The following PRKAR1A variants were observed in gnomAD, a reference collection of about 807,000 sequenced individuals.
The protein encoded by PRKAR1A is protein kinase cAMP-dependent type I regulatory subunit alpha.
In PRKAR1A, 3 loss-of-function variants were observed where a neutral mutation model predicts 52.0. That is an observed-to-expected ratio of 0.06 (90% CI 0.03 to 0.15). The LOEUF (loss-of-function observed/expected upper bound fraction) is 0.15. Among genes scored for constraint, PRKAR1A ranks in the 10% least tolerant of loss-of-function variants. The probability of loss-of-function intolerance (pLI) is 1.00; values close to 1 mark genes in which losing one functional copy is unlikely to be tolerated. For synonymous variants in PRKAR1A, 188 were observed against 168.4 expected (o/e 1.12, Z -0.90); for missense variants, 240 against 477.4 (o/e 0.50, Z 4.63).
chr17:68,550,938 A>G (rs778433884), intron 11 of PRKAR1A: 36 of 573,582 alleles, frequency 6.3e-5, no homozygotes, highest in Non-Finnish European at 9.0e-5. Flanking sequence ...AGAACCATCT[A>G]CTGGGGCTCT....
In PRKAR1A at chr17:68,522,843, C is replaced by G. The variant is rs1459684511; in HGVS notation, c.265C>G (p.Pro89Ala). Residue 89 changes from proline (P) to alanine (A), a missense_variant, in exon 3 of 11, where the codon CCA (proline) becomes GCA (alanine). Around this residue, in one of 4 missense-constraint regions of PRKAR1A, gnomAD observed 107 missense variants for 114.6 expected, o/e 0.93. Coordinates refer to ENST00000589228, the MANE Select transcript of PRKAR1A (RefSeq NM_002734.5). ...EDEISPPPPN[P>A]VVKGRRRRGA... ...TGAGATTTCTCCTCCTCCACCCAAC[C>G]CAGTGGTTAAAGGTAGGAGGCGACG... is the stretch of plus-strand genomic sequence containing the variant. The G allele has an allele frequency of 6.2e-7, 1 of 1,614,002 alleles. No homozygotes were observed. The highest frequency in any genetic ancestry group is 8.5e-7 in the Non-Finnish European group (1 of 1,179,918).
At position 68,532,591 on chromosome 17, in the gene PRKAR1A, G is replaced by A; in HGVS notation, c.*2142G>A. ...TTTAAAAGTCATTATTCCTGGGCTT[G>A]GTAAGTGAATTTATGAGATTTACTG... On this transcript the variant is annotated 3_prime_UTR_variant, in exon 11 of 11. Transcript: ENST00000589228. 1.9e-6 allele frequency: 2 copies of A among 1,066,170 alleles called. No homozygotes were observed. Among genetic ancestry groups the A allele is most frequent in the Non-Finnish European group, 1.1e-6 (1 of 879,616 alleles). 66.0% of individuals were successfully genotyped at this position (1,066,170 alleles called of 1,614,324 possible).
At chr17:68,510,606 C>T (rs1490348641), upstream of PRKAR1A, among the ~76,000 whole-genome samples, 1 of 152,148 alleles carries the variant, frequency 6.6e-6, no homozygotes, top group Non-Finnish European at 1.5e-5. Context: ...TATCAAATTC[C>T]CTCTGCTGCT....
the PRKAR1A span, chr17:68,433,638 C>CAA: frequency 5.2e-6 from 7 of 1,343,932 alleles, no homozygotes; most frequent in Non-Finnish European, 7.4e-6. Flanking sequence ...CCTTATAACT[C>CAA]AGAGATCAGC....
At chr17:68,457,428 C>T in the PRKAR1A span, 3 of 1,471,564 alleles carry the variant, frequency 2.0e-6, no homozygotes, top group South Asian at 1.3e-5. Flanking sequence ...CCATCGGGGG[C>T]TCGGCCCGGG....
At chr17:68,513,025 C>T (rs2085313894) in intron 1 of PRKAR1A, 1 of 152,236 alleles carries the variant, frequency 6.6e-6, no homozygotes, top group African/African-American at 2.4e-5. Flanking sequence ...CTAGCAGTAG[C>T]CTTTCCTCTT....
At chr17:68,529,840 A>C in intron 9 of PRKAR1A, 80 bp from the exon 10 acceptor site, 1 of 1,334,820 alleles carries the variant, frequency 7.5e-7, no homozygotes, top group Non-Finnish European at 1.1e-6. Flanking sequence ...CAAGGTAGTT[A>C]AAATTGCATA....
At chr17:68,457,950 C>T in the PRKAR1A span, among the ~76,000 whole-genome samples, 1 of 152,164 alleles carries the variant, frequency 6.6e-6, no homozygotes, top group African/African-American at 2.4e-5. Context: ...GCAACTGCGT[C>T]GGGGCCGCCG....
chr17:68,437,299 G>T, the PRKAR1A span, among the ~76,000 whole-genome samples: 9 of 152,126 alleles, frequency 5.9e-5, no homozygotes, highest in South Asian at 1.7e-3. Flanking sequence ...CCACACCTGT[G>T]ATCCCAGCAC....
the PRKAR1A span, chr17:68,453,018 A>G: frequency 6.3e-7 from 1 of 1,580,684 alleles, no homozygotes; most frequent in East Asian, 2.2e-5. Flanking sequence ...ACAGCATGGG[A>G]ATAACGACAG....
the PRKAR1A span, chr17:68,426,307 T>C: frequency 3.0e-4 from 216 of 721,296 alleles, 1 homozygote; most frequent in Non-Finnish European, 4.7e-4. Flanking sequence ...CCCCTGGAGG[T>C]ACTGTGCCTA....
chr17:68,530,185 T>C (rs2085932431), intron 10 of PRKAR1A, 92 bp from the exon 11 acceptor site: 1 of 1,534,410 alleles, frequency 6.5e-7, no homozygotes, highest in Non-Finnish European at 9.0e-7. Flanking sequence ...ACTGATTGTC[T>C]CATATCTATT....
the PRKAR1A span, among the ~76,000 whole-genome samples, chr17:68,448,592 C>T: frequency 6.6e-6 from 1 of 152,100 alleles, no homozygotes; most frequent in Non-Finnish European, 1.5e-5. Context: ...TTCCTTGTCC[C>T]ATTTGCTAAT....
At chr17:68,547,335 A>T (rs2086617166) in intron 11 of PRKAR1A, among the ~76,000 whole-genome samples, 1 of 152,210 alleles carries the variant, frequency 6.6e-6, no homozygotes, top group Non-Finnish European at 1.5e-5. Context: ...GGTTTGTTAC[A>T]TATGTATACA....
chr17:68,545,568 A>C (rs2086513055), intron 11 of PRKAR1A, among the ~76,000 whole-genome samples: 1 of 152,244 alleles, frequency 6.6e-6, no homozygotes, highest in Non-Finnish European at 1.5e-5. Context: ...TTGCTGACTG[A>C]CTGGGGTGGT....
the PRKAR1A span, chr17:68,450,827 T>G: frequency 9.9e-6 from 16 of 1,614,110 alleles, no homozygotes; most frequent in Non-Finnish European, 1.2e-5. Flanking sequence ...GCCGTGGTTT[T>G]GTGTGACTGA....
chr17:68,549,229 T>C (rs1329097083), intron 11 of PRKAR1A, among the ~76,000 whole-genome samples: 1 of 152,102 alleles, frequency 6.6e-6, no homozygotes, highest in African/African-American at 2.4e-5. Flanking sequence ...GTGCATTGGC[T>C]CACGCCTGGA....
chr17:68,455,743 T>C, the PRKAR1A span, among the ~76,000 whole-genome samples: 1 of 152,372 alleles, frequency 6.6e-6, no homozygotes, highest in South Asian at 2.1e-4. Flanking sequence ...ATTCAATTTC[T>C]GTAGAAAGCT....
At chr17:68,528,748 C>T in intron 8 of PRKAR1A, 122 bp from the exon 9 acceptor site, 1 of 1,325,486 alleles carries the variant, frequency 7.5e-7, no homozygotes, top group Non-Finnish European at 1.1e-6. Flanking sequence ...CACTTTTAAT[C>T]TGAGACACTA....
Sources: allele counts gnomAD v4.1 joint callset (sites outside exome capture counted in the v4.1 genomes callset), GRCh38; gene constraint gnomAD v4.1.1; regional missense constraint gnomAD v4.1.1; transcripts MANE v1.5; gene names NCBI Gene and HGNC (gene_info 2026-07-23, HGNC 2026-07-21).